AKAP6: variants seen among roughly 807,000 people sequenced by gnomAD.
AKAP6 encodes the protein A-kinase anchoring protein 6, also known as A-kinase anchor protein 6.
A neutral mutation model predicts 188.5 loss-of-function variants in AKAP6; 58 were observed. The ratio of observed to expected loss-of-function variants is 0.31; its 90% CI spans 0.25 to 0.38. AKAP6 has a LOEUF of 0.38. Ranked by LOEUF, AKAP6 falls within the 10% of genes least tolerant of loss-of-function variation. The probability of loss-of-function intolerance (pLI) is 1.00; values close to 1 mark genes in which losing one functional copy is unlikely to be tolerated. For missense variants in AKAP6, 2,710 were observed against 2,740.0 expected (o/e 0.99, Z 0.24); for synonymous variants, 989 against 998.6 (o/e 0.99, Z 0.18).
At chr14:32,780,145 T>TG (rs2033195746) in intron 12 of AKAP6, among the ~76,000 whole-genome samples, 1 of 129,702 alleles carries the variant, frequency 7.7e-6, no homozygotes, top group Non-Finnish European at 1.6e-5. Context: ...AAAAAGAAAT[T>TG]GAAAAAAAAA....
At chr14:32,766,073 T>A (rs1222876957) in intron 11 of AKAP6, among the ~76,000 whole-genome samples, 2 of 152,196 alleles carry the variant, frequency 1.3e-5, no homozygotes, top group Non-Finnish European at 1.5e-5. Flanking sequence ...TCTATGTATT[T>A]GCCTATTCTG....
At chr14:32,381,497 C>G (rs531942354) in intron 1 of AKAP6, among the ~76,000 whole-genome samples, 1 of 152,202 alleles carries the variant, frequency 6.6e-6, no homozygotes, top group East Asian at 1.9e-4. Context: ...TAACTGAGAG[C>G]ATATGACTTT....
rs549073989 is a variant in AKAP6, at chr14:32,780,523, C to T, written c.3588+6630C>T. Among the ~76,000 whole-genome samples, 152 of 152,218 alleles carry T rather than the reference C, an allele frequency of 1.0e-3. 2 individuals carry two copies. The highest frequency in any genetic ancestry group is 9.8e-4 in the Admixed American group (15 of 15,288). ...CACTACATGTATCAAAACATCATGT[C>T]GTACACAATATATACATTTAAAAAT... On this transcript the variant is annotated intron_variant, in intron 12 of 13. Coordinates refer to ENST00000280979, the MANE Select transcript of AKAP6 (RefSeq NM_004274.5).
intron 2 of AKAP6, among the ~76,000 whole-genome samples, chr14:32,444,928 G>A (rs1420351645): frequency 6.6e-6 from 1 of 152,218 alleles, no homozygotes; most frequent in African/African-American, 2.4e-5. Flanking sequence ...GTCACTAAGG[G>A]TGATTCTTGA....
intron 1 of AKAP6, among the ~76,000 whole-genome samples, chr14:32,363,906 C>T (rs1331843429): frequency 6.6e-6 from 1 of 152,176 alleles, no homozygotes; most frequent in African/African-American, 2.4e-5. Flanking sequence ...AAGAAGAGAG[C>T]AGTGGGCGTT....
Position 32,406,827 on chromosome 14 carries a change from G to A in AKAP6, c.-34-26633G>A, listed in dbSNP as rs1045286576. Among the ~76,000 whole-genome samples, 10 of 152,152 alleles carry A rather than the reference G, an allele frequency of 6.6e-5. No homozygotes were observed. In the South Asian group the frequency reaches 2.1e-3, roughly 32 times the overall value. Reference sequence around the variant, plus strand: ...ATTCCTTATCTGTTTTCATGAAATTGTCAAGCCCATTAGTGTCTTATCCTT... The same window carrying A: ...ATTCCTTATCTGTTTTCATGAAATTATCAAGCCCATTAGTGTCTTATCCTT... On this transcript the variant is annotated intron_variant, in intron 1 of 13. Coordinates refer to ENST00000280979, the MANE Select transcript of AKAP6 (RefSeq NM_004274.5).
intron 11 of AKAP6, among the ~76,000 whole-genome samples, chr14:32,755,559 ACTCT>A (rs1182171068): frequency 6.6e-6 from 1 of 151,370 alleles, no homozygotes; most frequent in Non-Finnish European, 1.5e-5. Context: ...ACAGGATCTC[ACTCT>A]CTCTCCCAGG....
intron 1 of AKAP6, among the ~76,000 whole-genome samples, chr14:32,364,271 C>T (rs1887755787): frequency 6.6e-6 from 1 of 152,182 alleles, no homozygotes; most frequent in Non-Finnish European, 1.5e-5. Context: ...CATTATAGTA[C>T]TTTCTGGGAT....
rs2034515044 is a variant in AKAP6, at chr14:32,821,431, G to T, written c.3618G>T (p.Leu1206Phe). ...SETLNVIDPG[L>F]MDLNGMSEDA... is the part of the protein sequence containing the mutation. ...CTTTGAATGTGATTGATCCTGGCTTGATGGACCTAAATGGGATGAGTGAGG... is the reference window on the plus strand; with the variant it reads ...CTTTGAATGTGATTGATCCTGGCTTTATGGACCTAAATGGGATGAGTGAGG... The change falls in exon 13 of 14, where the codon TTG (leucine) becomes TTT (phenylalanine). Residue 1206 changes from leucine to phenylalanine, a missense_variant. By Grantham distance (22) the Leu-to-Phe change is conservative. Coordinates refer to ENST00000280979, the MANE Select transcript of AKAP6 (RefSeq NM_004274.5). 6.2e-7 allele frequency: 1 copy of T among 1,612,218 alleles called. No homozygotes were observed. The highest frequency in any genetic ancestry group is 2.2e-5 in the East Asian group (1 of 44,868).
At chr14:32,652,174 T>C (rs1888259089) in intron 7 of AKAP6, among the ~76,000 whole-genome samples, 1 of 152,270 alleles carries the variant, frequency 6.6e-6, no homozygotes, top group Non-Finnish European at 1.5e-5. Context: ...TAATGAAGTT[T>C]ACCACTTTCT....
chr14:32,715,369 A>T (rs1421059881), intron 9 of AKAP6, among the ~76,000 whole-genome samples: 6 of 152,188 alleles, frequency 3.9e-5, no homozygotes, highest in African/African-American at 1.4e-4. Context: ...TCATTAGGAT[A>T]CTATGGTGTG....
intron 1 of AKAP6, among the ~76,000 whole-genome samples, chr14:32,352,719 T>A (rs1887330714): frequency 6.6e-6 from 1 of 152,254 alleles, no homozygotes; most frequent in Admixed American, 6.5e-5. Flanking sequence ...TTATCTATGT[T>A]GCTGCAAATG....
chr14:32,760,644 G>A (rs2032505769), intron 11 of AKAP6, among the ~76,000 whole-genome samples: 1 of 152,210 alleles, frequency 6.6e-6, no homozygotes. Context: ...GCAGGCAGGA[G>A]AGAGGTGTGG....
At chr14:32,751,999 A>C (rs1333127259) in intron 11 of AKAP6, among the ~76,000 whole-genome samples, 2 of 152,138 alleles carry the variant, frequency 1.3e-5, no homozygotes, top group Non-Finnish European at 2.9e-5. Flanking sequence ...TTTGAACTAC[A>C]GTGTCTGTTG....
intron 12 of AKAP6, among the ~76,000 whole-genome samples, 153 bp from the exon 13 acceptor site, chr14:32,821,249 C>T (rs1017663932): frequency 1.3e-5 from 2 of 152,148 alleles, no homozygotes; most frequent in African/African-American, 4.8e-5. Context: ...GGTGTTATTT[C>T]AGAGAGGAAT....
At chr14:32,578,444 C>A (rs1029631844) in intron 5 of AKAP6, among the ~76,000 whole-genome samples, 4 of 152,078 alleles carry the variant, frequency 2.6e-5, no homozygotes, top group African/African-American at 9.7e-5. Flanking sequence ...ACCCTAACCA[C>A]CTCTCTTGTA....
intron 5 of AKAP6, among the ~76,000 whole-genome samples, chr14:32,581,347 T>C (rs957194453): frequency 3.3e-5 from 5 of 152,246 alleles, no homozygotes; most frequent in African/African-American, 9.6e-5. Context: ...GATTGCACTA[T>C]GGTCTGAGAG....
intron 7 of AKAP6, among the ~76,000 whole-genome samples, chr14:32,630,312 G>A (rs1887213934): frequency 6.6e-6 from 1 of 152,020 alleles, no homozygotes; most frequent in African/African-American, 2.4e-5. Context: ...TTATTTGATT[G>A]TTCAACATTA....
At chr14:32,514,390 G>A (rs1881414513) in intron 2 of AKAP6, among the ~76,000 whole-genome samples, 1 of 152,154 alleles carries the variant, frequency 6.6e-6, no homozygotes, top group Non-Finnish European at 1.5e-5. Flanking sequence ...GGAAGGCATA[G>A]AAACACATCC....
Sources: allele counts gnomAD v4.1 joint callset (sites outside exome capture counted in the v4.1 genomes callset), GRCh38; gene constraint gnomAD v4.1.1; transcripts MANE v1.5; gene names NCBI Gene and HGNC (gene_info 2026-07-23, HGNC 2026-07-21).